The following NCOA7 variants were observed in gnomAD, a reference collection of about 807,000 sequenced individuals.
NCOA7 encodes 140 kDa estrogen receptor-associated protein.
In NCOA7, 45 loss-of-function variants were observed where a neutral mutation model predicts 104.3. That is an observed-to-expected ratio of 0.43 (90% CI 0.34 to 0.55). The LOEUF (loss-of-function observed/expected upper bound fraction) is 0.55. Ranked by LOEUF, NCOA7 falls within the 20% of genes least tolerant of loss-of-function variation. The probability of loss-of-function intolerance (pLI) is 0.02; values close to 1 mark genes in which losing one functional copy is unlikely to be tolerated. For missense variants in NCOA7, 1,041 were observed against 1,119.7 expected (o/e 0.93, Z 1.00); for synonymous variants, 398 against 402.3 (o/e 0.99, Z 0.13).
intron 5 of NCOA7, among the ~76,000 whole-genome samples, chr6:125,880,011 AG>A (rs1193670336): frequency 2.0e-5 from 3 of 152,060 alleles, no homozygotes; most frequent in Non-Finnish European, 4.4e-5. Flanking sequence ...TCTCAGAAAA[AG>A]ACAAAAGATT....
chr6:125,896,490 TTTAA>T (rs1440695863), intron 10 of NCOA7, among the ~76,000 whole-genome samples: 1 of 152,206 alleles, frequency 6.6e-6, no homozygotes, highest in Admixed American at 6.5e-5. Flanking sequence ...GTGTGATTCC[TTTAA>T]TAAATAGATT....
In NCOA7 at chr6:125,890,677, C is replaced by G; in HGVS notation, c.1963C>G (p.Pro655Ala). 1 of 1,613,258 alleles carries G rather than the reference C, an allele frequency of 6.2e-7. No individual in the cohort carries two copies. Among genetic ancestry groups the G allele is most frequent in the Non-Finnish European group, 8.5e-7 (1 of 1,179,682 alleles). Residue 655 changes from proline (P) to alanine (A), a missense_variant, in exon 10 of 16, where the codon CCA becomes GCA. Pro to Ala is a conservative substitution (Grantham distance 27). This residue lies in a region of NCOA7 where 914 missense variants were observed against 942.7 expected (regional missense o/e 0.97). Transcript: ENST00000392477. Reference sequence around the variant, plus strand: ...TTCAAAAGAAGAAAAAAGCAAGACCCCACCCATGTTCCTGTGCATCAAAGT... The same window carrying G: ...TTCAAAAGAAGAAAAAAGCAAGACCGCACCCATGTTCCTGTGCATCAAAGT... ...LPSKEEKSKT[P>A]PMFLCIKVGK...
chr6:125,882,404 T>C (rs1282867625), intron 6 of NCOA7, 22 bp from the exon 7 acceptor site: 1 of 1,608,388 alleles, frequency 6.2e-7, no homozygotes, highest in Non-Finnish European at 8.5e-7. Context: ...TATTTGATTT[T>C]GAAATTTTTT....
intron 3 of NCOA7, among the ~76,000 whole-genome samples, chr6:125,873,377 TTA>T (rs1179092857): frequency 1.3e-5 from 2 of 152,248 alleles, no homozygotes; most frequent in African/African-American, 4.8e-5. Flanking sequence ...TGAAAATTAT[TTA>T]TGTGTTTTTT....
At chr6:125,837,796 A>C (rs1445931348) in intron 2 of NCOA7, among the ~76,000 whole-genome samples, 1 of 152,244 alleles carries the variant, frequency 6.6e-6, no homozygotes, top group African/African-American at 2.4e-5. Context: ...TCATCATTGC[A>C]CTTATTAAAG....
At chr6:125,841,422 T>C (rs1780162034) in intron 2 of NCOA7, among the ~76,000 whole-genome samples, 1 of 152,148 alleles carries the variant, frequency 6.6e-6, no homozygotes. Context: ...AATGTATCCC[T>C]GTCGTTTAGC....
Position 125,871,369 on chromosome 6 carries a change from A to G in NCOA7, c.272-3520A>G, listed in dbSNP as rs189445990. ...TCTCGCCAGGGCCAGAAGCACCTCC[A>G]GTGCTTTGTGGACTATGTGCTGCAG... On this transcript the variant is annotated intron_variant, in intron 3 of 15. Coordinates refer to ENST00000392477, the MANE Select transcript of NCOA7 (RefSeq NM_181782.5). Among the ~76,000 whole-genome samples, 7 of 152,340 alleles carry G rather than the reference A, an allele frequency of 4.6e-5. No individual in the cohort carries two copies. In the East Asian group the frequency reaches 5.8e-4, roughly 13 times the overall value.
chr6:125,811,667 T>C (rs555225375), intron 1 of NCOA7, among the ~76,000 whole-genome samples: 1 of 152,240 alleles, frequency 6.6e-6, no homozygotes, highest in African/African-American at 2.4e-5. Context: ...ACTGAGCTCA[T>C]GAGAGTTAGA....
At chr6:125,846,102 G>A (rs1780582858) in intron 2 of NCOA7, among the ~76,000 whole-genome samples, 1 of 152,096 alleles carries the variant, frequency 6.6e-6, no homozygotes, top group African/African-American at 2.4e-5. Context: ...TCTTCCTGGA[G>A]CTATTAGCCC....
At chr6:125,829,255 T>C (rs1017892152) in intron 2 of NCOA7, among the ~76,000 whole-genome samples, 3 of 152,170 alleles carry the variant, frequency 2.0e-5, no homozygotes, top group African/African-American at 7.2e-5. Flanking sequence ...CCTGTTTCAA[T>C]TTTTTTAGTA....
At chr6:125,797,147 T>C (rs1186456886) in intron 1 of NCOA7, among the ~76,000 whole-genome samples, 1 of 152,168 alleles carries the variant, frequency 6.6e-6, no homozygotes, top group Non-Finnish European at 1.5e-5. Flanking sequence ...AGGGTGTCAC[T>C]GGAGTTTGGG....
intron 2 of NCOA7, among the ~76,000 whole-genome samples, chr6:125,825,506 A>G (rs1332869873): frequency 6.6e-6 from 1 of 152,240 alleles, no homozygotes; most frequent in Admixed American, 6.5e-5. Context: ...TGATTATGAC[A>G]TCTGTGGTGC....
chr6:125,855,341 T>G (rs1004221052), intron 3 of NCOA7, 101 bp downstream of exon 3: 1 of 936,388 alleles, frequency 1.1e-6, no homozygotes, highest in African/African-American at 1.7e-5. Context: ...GGTAACAGTT[T>G]ATGGAGCAGC....
At chr6:125,913,079 A>T (rs568955101) in intron 10 of NCOA7, among the ~76,000 whole-genome samples, 1 of 152,294 alleles carries the variant, frequency 6.6e-6, no homozygotes, top group South Asian at 2.1e-4. Flanking sequence ...AACCATTTGG[A>T]TCTGTTTCTT....
chr6:125,895,081 G>A (rs1237830440), intron 10 of NCOA7, among the ~76,000 whole-genome samples: 2 of 152,044 alleles, frequency 1.3e-5, no homozygotes, highest in Non-Finnish European at 2.9e-5. Flanking sequence ...AATGCTGACA[G>A]ATTGTCCTTG....
intron 2 of NCOA7, among the ~76,000 whole-genome samples, chr6:125,844,822 A>G (rs1780462449): frequency 6.6e-6 from 1 of 152,168 alleles, no homozygotes; most frequent in South Asian, 2.1e-4. Flanking sequence ...TCTCTCATTT[A>G]CTTGGATTCT....
At position 125,919,451 on chromosome 6, in the gene NCOA7, G is replaced by C. The variant is rs536155719; in HGVS notation, c.2245-1492G>C. 22 of 1,611,054 alleles carry C rather than the reference G, an allele frequency of 1.4e-5. No individual in the cohort carries two copies. The South Asian group carries it at 2.2e-4, about 16-fold the overall frequency. On this transcript the variant is annotated intron_variant, in intron 11 of 15. Transcript: ENST00000392477. ...GTGAAGGTATGTTGGAGTGCGTCCC[G>C]AGGGCTAATAAGGTGCTGGTGAATT...
chr6:125,849,471 G>GCTTT (rs1322997648), intron 2 of NCOA7, among the ~76,000 whole-genome samples: 3 of 152,054 alleles, frequency 2.0e-5, no homozygotes, highest in African/African-American at 7.2e-5. Context: ...TTTTCTTTTG[G>GCTTT]CTTTCACCTT....
chr6:125,855,075 A>G lies in NCOA7; in HGVS notation c.106A>G (p.Thr36Ala), dbSNP rs751510610. 2.4e-5 allele frequency: 38 copies of G among 1,613,228 alleles called. No homozygotes were observed. The highest frequency in any genetic ancestry group is 3.1e-5 in the Non-Finnish European group (36 of 1,179,950). ...QNAETASAVA[T>A]RTHTGKEDNN... ...TGCAGAGACAGCCTCAGCTGTAGCTACAAGGACTCATACTGGGAAGGAAGA... is the reference window on the plus strand; with the variant it reads ...TGCAGAGACAGCCTCAGCTGTAGCTGCAAGGACTCATACTGGGAAGGAAGA... Residue 36 changes from threonine to alanine, a missense_variant, in exon 3 of 16, where the codon ACA becomes GCA. This residue lies in a region of NCOA7 where 914 missense variants were observed against 942.7 expected (regional missense o/e 0.97). Coordinates refer to ENST00000392477, the MANE Select transcript of NCOA7 (RefSeq NM_181782.5).
Sources: gnomAD v4.1 joint callset for allele counts (sites outside exome capture counted in the v4.1 genomes callset) on GRCh38, gnomAD v4.1.1 for gene constraint, gnomAD v4.1.1 regional missense constraint, MANE v1.5 for transcripts, NCBI Gene and HGNC (gene_info 2026-07-23, HGNC 2026-07-21) for gene names.